Variants in ADAMTSL1 observed in about 807,000 individuals in gnomAD.
ADAMTSL1 encodes ADAMTS-like protein 1.
A neutral mutation model predicts 201.8 loss-of-function variants in ADAMTSL1; 126 were observed. That is an observed-to-expected ratio of 0.62 (90% confidence interval 0.54 to 0.72). The LOEUF (loss-of-function observed/expected upper bound fraction) is 0.72, where lower values mean the gene tolerates loss of function less well. Ranked by LOEUF, ADAMTSL1 falls within the 30% of genes least tolerant of loss-of-function variation. The probability of loss-of-function intolerance (pLI) is 0.00; values close to 1 mark genes in which losing one functional copy is unlikely to be tolerated. For synonymous variants in ADAMTSL1, 1,121 were observed against 903.4 expected (o/e 1.24, Z -4.32); for missense variants, 2,679 against 2,277.8 (o/e 1.18, Z -3.59).
intron 2 of ADAMTSL1, among the ~76,000 whole-genome samples, chr9:18,507,393 G>A (rs988712662): frequency 5.3e-5 from 8 of 152,134 alleles, no homozygotes; most frequent in African/African-American, 1.9e-4. Flanking sequence ...CATCTCCAAG[G>A]ACAATTTAAA....
At chr9:18,248,737 G>A (rs1831354863) in intron 2 of ADAMTSL1, among the ~76,000 whole-genome samples, 1 of 152,138 alleles carries the variant, frequency 6.6e-6, no homozygotes, top group Admixed American at 6.5e-5. Context: ...TTTGGTCTGT[G>A]TGCCTTGTCA....
intron 1 of ADAMTSL1, among the ~76,000 whole-genome samples, chr9:17,996,418 A>G (rs1411251): frequency 0.28 from 43,089 of 151,986 alleles, 6,216 homozygotes; most frequent in South Asian, 0.34. Context: ...AGACTGAGCT[A>G]CAATGTTATA....
At chr9:18,447,540 A>G (rs1220077840) in intron 2 of ADAMTSL1, among the ~76,000 whole-genome samples, 2 of 152,188 alleles carry the variant, frequency 1.3e-5, no homozygotes, top group African/African-American at 2.4e-5. Context: ...TAGAACCACT[A>G]AAAGAAAGTA....
chr9:18,212,164 T>C (rs1025873510), intron 2 of ADAMTSL1, among the ~76,000 whole-genome samples: 3 of 152,162 alleles, frequency 2.0e-5, no homozygotes, highest in African/African-American at 7.2e-5. Flanking sequence ...TGCGCCCATG[T>C]TTAATCTACC....
intron 2 of ADAMTSL1, among the ~76,000 whole-genome samples, chr9:18,358,873 T>C (rs532480426): frequency 6.6e-6 from 1 of 152,302 alleles, no homozygotes; most frequent in South Asian, 2.1e-4. Context: ...ACATTTTCAA[T>C]TAGGACCATT....
chr9:17,947,789 C>A (rs1418478997), intron 1 of ADAMTSL1, among the ~76,000 whole-genome samples: 2 of 152,144 alleles, frequency 1.3e-5, no homozygotes, highest in East Asian at 1.9e-4. Context: ...TTCTTATGTG[C>A]ACAAGAAATC....
chr9:18,534,247 T>A (rs1177103103), intron 3 of ADAMTSL1, among the ~76,000 whole-genome samples: 2 of 152,048 alleles, frequency 1.3e-5, no homozygotes, highest in African/African-American at 4.8e-5. Flanking sequence ...GAGCAAGAAG[T>A]AATGAAGGCT....
intron 3 of ADAMTSL1, among the ~76,000 whole-genome samples, chr9:18,560,495 G>T (rs1032311870): frequency 6.6e-6 from 1 of 152,120 alleles, no homozygotes; most frequent in African/African-American, 2.4e-5. Flanking sequence ...TATCTGCCAG[G>T]CTTTGGTATC....
At chr9:18,230,461 T>C (rs1407102931) in intron 2 of ADAMTSL1, among the ~76,000 whole-genome samples, 1 of 152,144 alleles carries the variant, frequency 6.6e-6, no homozygotes, top group Non-Finnish European at 1.5e-5. Context: ...AATACTGTTA[T>C]ACTTGGGGAA....
intron 5 of ADAMTSL1, among the ~76,000 whole-genome samples, chr9:18,632,639 T>G (rs1467506543): frequency 6.6e-6 from 1 of 152,186 alleles, no homozygotes. Flanking sequence ...ACTGAATCCC[T>G]AGTACCTAGC....
intron 1 of ADAMTSL1, among the ~76,000 whole-genome samples, chr9:18,160,142 C>T (rs753878478): frequency 6.6e-6 from 1 of 151,900 alleles, no homozygotes; most frequent in Non-Finnish European, 1.5e-5. Context: ...TCTGTATTCC[C>T]GGGTTGGTTC....
rs376085464 is a variant in ADAMTSL1 at position 18,581,517 on chromosome 9, C to G, written c.474+7251C>G. Among the ~76,000 whole-genome samples, 4 of 152,140 alleles carry G rather than the reference C, an allele frequency of 2.6e-5. 1 individual carries two copies. In the East Asian group the frequency reaches 7.7e-4, roughly 29 times the overall value. On this transcript the variant is annotated intron_variant, in intron 4 of 28. Transcript: ENST00000380548. Reference sequence around the variant, plus strand: ...CAAAAGTTTTAACCCATTTCAGAGTCAACTGTAACTCTAAAATATTATCAA... The same window carrying G: ...CAAAAGTTTTAACCCATTTCAGAGTGAACTGTAACTCTAAAATATTATCAA...
chr9:18,717,805 A>T lies in ADAMTSL1; in HGVS notation c.1877-3731A>T, dbSNP rs1833048570. Among the ~76,000 whole-genome samples, 3 of 152,212 alleles carry T rather than the reference A, an allele frequency of 2.0e-5. No individual in the cohort carries two copies. In the South Asian group the frequency reaches 6.2e-4, roughly 31 times the overall value. The stretch of plus-strand genomic sequence containing the variant: ...ATCTCTCTTGTGAAGCTTGAAAGTG[A>T]TTAGAATGTGCAAACTGATATAGTA... On this transcript the variant is annotated intron_variant, in intron 14 of 28. Transcript: ENST00000380548.
At chr9:18,695,851 G>T (rs1831517525) in intron 13 of ADAMTSL1, among the ~76,000 whole-genome samples, 1 of 152,162 alleles carries the variant, frequency 6.6e-6, no homozygotes, top group Non-Finnish European at 1.5e-5. Flanking sequence ...TTGCTATAAA[G>T]GACTACCAGT....
In ADAMTSL1 at chr9:18,217,630, T is replaced by C. The variant is rs75202583; in HGVS notation, c.207+53649T>C. 7.3e-3 allele frequency among the ~76,000 whole-genome samples: 1,112 copies of C among 152,318 alleles called. 11 individuals carry two copies. Among genetic ancestry groups the C allele is most frequent in the Non-Finnish European group, 0.013 (855 of 68,030 alleles). ...GGACATGACAGGTTATGTCTAAATG[T>C]AGTTTTGGTTCCTTTGCATTCAACT... is the stretch of plus-strand genomic sequence containing the variant. On this transcript the variant is annotated intron_variant, in intron 2 of 29. Transcript: ENST00000680146.
intron 23 of ADAMTSL1, among the ~76,000 whole-genome samples, chr9:18,847,703 G>C (rs1028543821): frequency 2.6e-5 from 4 of 152,194 alleles, no homozygotes; most frequent in African/African-American, 9.6e-5. Context: ...AATGAGTGCG[G>C]AGTTCCGCCT....
intron 1 of ADAMTSL1, among the ~76,000 whole-genome samples, chr9:18,128,500 C>G (rs556546119): frequency 1.3e-5 from 2 of 152,212 alleles, no homozygotes; most frequent in South Asian, 4.2e-4. Context: ...GTAGCTGGGA[C>G]TACAGGAACC....
At chr9:17,928,529 T>G (rs1040878194) in intron 1 of ADAMTSL1, among the ~76,000 whole-genome samples, 34 of 152,206 alleles carry the variant, frequency 2.2e-4, no homozygotes, top group Admixed American at 2.2e-3. Context: ...GTATGTAACC[T>G]GCAAATATTG....
At chr9:18,673,251 T>G (rs1428015560) in intron 9 of ADAMTSL1, among the ~76,000 whole-genome samples, 1 of 151,826 alleles carries the variant, frequency 6.6e-6, no homozygotes, top group Non-Finnish European at 1.5e-5. Context: ...AAAAAAAAAG[T>G]AAGCAATAGG....
Sources: gnomAD v4.1 joint callset for allele counts (sites outside exome capture counted in the v4.1 genomes callset) on GRCh38, gnomAD v4.1.1 for gene constraint, MANE v1.5 for transcripts, NCBI Gene and HGNC (gene_info 2026-07-23, HGNC 2026-07-21) for gene names.